Variants in LMLN observed in about 807,000 individuals in gnomAD.
LMLN encodes the protein leishmanolysin like peptidase.
A neutral mutation model predicts 92.3 loss-of-function variants in LMLN; 70 were observed. The ratio of observed to expected loss-of-function variants is 0.76; its 90% CI spans 0.63 to 0.92. The LOEUF (loss-of-function observed/expected upper bound fraction) is 0.92, where lower values mean the gene tolerates loss of function less well. Among genes scored for constraint, LMLN ranks in the 40% least tolerant of loss-of-function variants. The pLI is 0.00. For missense variants in LMLN, 691 were observed against 814.6 expected, an observed-to-expected ratio of 0.85 and a Z score of 1.85; for synonymous variants, 308 against 296.2, an observed-to-expected ratio of 1.04 and a Z score of -0.41.
intron 1 of LMLN, among the ~76,000 whole-genome samples, chr3:197,969,817 A>G (rs767423218): frequency 3.0e-4 from 45 of 152,124 alleles, no homozygotes; most frequent in Non-Finnish European, 4.4e-4. Context: ...AATATTGTAA[A>G]TATATTAATA....
chr3:198,024,309 G>A (rs544975950), intron 13 of LMLN, among the ~76,000 whole-genome samples: 2 of 149,544 alleles, frequency 1.3e-5, no homozygotes, highest in Admixed American at 6.8e-5. Flanking sequence ...TCCGCCTCCC[G>A]GGTTCACGCC....
chr3:198,033,011 C>A (rs1450363785), intron 14 of LMLN, among the ~76,000 whole-genome samples: 1 of 152,290 alleles, frequency 6.6e-6, no homozygotes, highest in Non-Finnish European at 1.5e-5. Flanking sequence ...TTCTTCCTGG[C>A]TCTTCCTGTT....
Position 197,993,327 on chromosome 3 carries a change from C to A in LMLN, c.1047+2651C>A, listed in dbSNP as rs564859282. 3.3e-5 allele frequency among the ~76,000 whole-genome samples: 5 copies of A among 152,268 alleles called. No individual in the cohort carries two copies. In the South Asian group the frequency reaches 6.2e-4, roughly 19 times the overall value. On this transcript the variant is annotated intron_variant, in intron 9 of 15. Coordinates refer to ENST00000330198, the Ensembl canonical transcript of LMLN. ...AGGACCAGAAGAAGTGAGATAGTTG[C>A]TGTTTGCTGATGATCTTATACATAG...
chr3:198,008,367 A>G (rs963634367), intron 11 of LMLN, among the ~76,000 whole-genome samples: 5 of 152,220 alleles, frequency 3.3e-5, no homozygotes, highest in African/African-American at 1.2e-4. Flanking sequence ...TGAAATACAT[A>G]ATAATTATTA....
At chr3:197,968,870 C>T (rs1487599912) in intron 1 of LMLN, among the ~76,000 whole-genome samples, 1 of 152,156 alleles carries the variant, frequency 6.6e-6, no homozygotes, top group Non-Finnish European at 1.5e-5. Context: ...AAACTATGAA[C>T]TCATAAACTT....
intron 11 of LMLN, 82 bp from the exon 12 acceptor site, chr3:198,002,933 T>G: frequency 1.3e-6 from 1 of 753,868 alleles, no homozygotes; most frequent in Non-Finnish European, 2.2e-6. Context: ...AATGTGCTCA[T>G]TGTTGAGATT....
At position 197,985,780 on chromosome 3, in the gene LMLN, G is replaced by A; in HGVS notation, c.835-16G>A. 1 of 1,569,246 alleles carries A rather than the reference G, an allele frequency of 6.4e-7. No individual in the cohort carries two copies. Among genetic ancestry groups the A allele is most frequent in the Non-Finnish European group, 8.8e-7 (1 of 1,139,952 alleles). The stretch of plus-strand genomic sequence containing the variant: ...GATGTTTTTCACTTGAAGACATTTT[G>A]AACTTTTTCTTACAGGGTTTCTCTG... On this transcript the variant is annotated splice_polypyrimidine_tract_variant and intron_variant, in intron 7 of 15. Coordinates refer to ENST00000330198, the Ensembl canonical transcript of LMLN.
At chr3:198,040,463 T>C (rs1023406808) in exon 16 of LMLN, 1 of 152,274 alleles carries the variant, frequency 6.6e-6, no homozygotes, top group Admixed American at 6.5e-5. Context: ...TGATAGGCGA[T>C]GCCCATTCTT....
intron 8 of LMLN, among the ~76,000 whole-genome samples, chr3:197,987,224 A>G (rs1464287460): frequency 6.7e-6 from 1 of 148,370 alleles, no homozygotes; most frequent in Non-Finnish European, 1.5e-5. Flanking sequence ...CAGTGGTGCA[A>G]TCTCGGCTCA....
exon 5 of LMLN, chr3:197,976,683 G>A (rs972369099): frequency 5.7e-6 from 9 of 1,569,998 alleles, no homozygotes; most frequent in Admixed American, 3.5e-5. Flanking sequence ...CACAAAGTGC[G>A]GCCCCGTTAT....
chr3:198,003,183 C>G lies in LMLN; in HGVS notation c.1232+3841C>G, dbSNP rs1722222710. ...TACACAGTTCCTTTCTGACTTTATTCTTTATCCTGAGCCTAAAATGCTATT... is the reference window on the plus strand; with the variant it reads ...TACACAGTTCCTTTCTGACTTTATTGTTTATCCTGAGCCTAAAATGCTATT... On this transcript the variant is annotated intron_variant, in intron 11 of 15. Transcript: ENST00000330198. 3.9e-6 allele frequency: 4 copies of G among 1,025,870 alleles called. No individual in the cohort carries two copies. In the Admixed American group the frequency reaches 9.9e-5, roughly 25 times the overall value. The allele number at this position is 1,025,870 out of a possible 1,614,324, so 63.5% of individuals were successfully genotyped here.
At chr3:197,980,604 C>T in intron 6 of LMLN, 100 bp downstream of exon 6, 2 of 1,183,430 alleles carry the variant, frequency 1.7e-6, no homozygotes, top group Non-Finnish European at 2.4e-6. Flanking sequence ...TTGCATTTGC[C>T]AGATTGCCTC....
intron 12 of LMLN, among the ~76,000 whole-genome samples, chr3:198,021,245 A>T (rs1321372467): frequency 6.6e-6 from 1 of 152,158 alleles, no homozygotes; most frequent in Non-Finnish European, 1.5e-5. Context: ...TACCTTGCTT[A>T]TTTGTAAAAC....
At chr3:197,972,511 C>T (rs1464523934) in intron 1 of LMLN, among the ~76,000 whole-genome samples, 1 of 152,124 alleles carries the variant, frequency 6.6e-6, no homozygotes, top group African/African-American at 2.4e-5. Context: ...AGTTCCTGAA[C>T]ACATTTCAGC....
chr3:197,997,567 C>T (rs539170644), intron 10 of LMLN, among the ~76,000 whole-genome samples: 4 of 152,186 alleles, frequency 2.6e-5, no homozygotes, highest in African/African-American at 9.7e-5. Flanking sequence ...TAAACACTTG[C>T]ACGCAGAGCC....
intron 8 of LMLN, among the ~76,000 whole-genome samples, chr3:197,987,101 A>G (rs1349746416): frequency 6.6e-6 from 1 of 150,462 alleles, no homozygotes; most frequent in Non-Finnish European, 1.5e-5. Context: ...CGGCCTCCCA[A>G]AGTGTTGGGA....
At chr3:198,026,262 T>C (rs1171950547) in intron 14 of LMLN, among the ~76,000 whole-genome samples, 1 of 151,774 alleles carries the variant, frequency 6.6e-6, no homozygotes, top group African/African-American at 2.4e-5. Flanking sequence ...GACCTGGTAA[T>C]AGCACTATCA....
chr3:197,999,414 A>G, intron 11 of LMLN, 72 bp downstream of exon 11: 1 of 1,076,328 alleles, frequency 9.3e-7, no homozygotes. Context: ...ATAGCTTAAG[A>G]AAATGCTGAC....
intron 14 of LMLN, among the ~76,000 whole-genome samples, chr3:198,030,992 G>T (rs951446135): frequency 6.6e-6 from 1 of 150,622 alleles, no homozygotes; most frequent in East Asian, 2.0e-4. Flanking sequence ...AGTTTCCACC[G>T]TGACGCCTGC....
Sources: gnomAD v4.1 joint callset for allele counts (sites outside exome capture counted in the v4.1 genomes callset) on GRCh38, gnomAD v4.1.1 for gene constraint, MANE v1.5 for transcripts, NCBI Gene and HGNC (gene_info 2026-07-23, HGNC 2026-07-21) for gene names.